The following PCK1 variants were observed in gnomAD, a reference collection of about 807,000 sequenced individuals.
PCK1 encodes phosphoenolpyruvate carboxykinase 1, also known as phosphoenolpyruvate carboxykinase, cytosolic [GTP].
Under a neutral mutation model 50.3 loss-of-function variants are expected in PCK1, and 44 were observed. That is an observed-to-expected ratio of 0.87 (90% CI 0.69 to 1.12). PCK1 has a LOEUF of 1.12. Among genes scored for constraint, PCK1 ranks in the 50% most tolerant of loss-of-function variants. The pLI, the probability that PCK1 is intolerant of heterozygous loss-of-function variation, is 0.00. For missense variants in PCK1, 790 were observed against 815.0 expected (o/e 0.97, Z 0.37); for synonymous variants, 332 against 314.3 (o/e 1.06, Z -0.59).
intron 6 of PCK1, 106 bp from the exon 7 acceptor site, chr20:57,564,063 A>G: frequency 1.3e-6 from 1 of 742,402 alleles, no homozygotes; most frequent in Non-Finnish European, 2.2e-6. Flanking sequence ...AGGGAGGGAA[A>G]AAAGATTTGA....
intron 6 of PCK1, 72 bp from the exon 7 acceptor site, chr20:57,564,097 G>A (rs1423145833): frequency 3.1e-5 from 29 of 938,924 alleles, no homozygotes; most frequent in African/African-American, 5.0e-5. Flanking sequence ...AAATTAGTCC[G>A]GCAATATATA....
In PCK1 at chr20:57,561,588, G is replaced by A; in HGVS notation, c.177G>A (p.Gln59=). ...SEEENGRLLG[Q]MEEEGILRRL... is the part of the protein sequence containing the mutation. Reference sequence around the variant, plus strand: ...AGGAGAATGGGCGGCTTCTGGGCCAGATGGAGGAAGAGGGCATCCTCAGGC... The same window carrying A: ...AGGAGAATGGGCGGCTTCTGGGCCAAATGGAGGAAGAGGGCATCCTCAGGC... The change falls in exon 2 of 10, where the codon CAG becomes CAA. Residue 59 remains glutamine, a synonymous_variant. Transcript: ENST00000319441. The A allele has an allele frequency of 6.2e-7, 1 of 1,613,836 alleles. No individual in the cohort carries two copies. Among genetic ancestry groups the A allele is most frequent in the South Asian group, 1.1e-5 (1 of 91,080 alleles).
intron 2 of PCK1, 193 bp downstream of exon 2, chr20:57,561,828 G>T (rs1203761236): frequency 3.3e-6 from 2 of 607,228 alleles, no homozygotes; most frequent in Non-Finnish European, 5.8e-6. Context: ...TTTAAATGAG[G>T]TGTGTGCACA....
chr20:57,561,241 A>T, intron 1 of PCK1, 38 bp downstream of exon 1: 1 of 556,820 alleles, frequency 1.8e-6, no homozygotes, highest in Non-Finnish European at 3.2e-6. Flanking sequence ...GAAAAATTAC[A>T]AAGATGAACT....
rs1194696584 is a variant in PCK1 at position 57,561,558 on chromosome 20, TGAG to T, written c.154_156del (p.Glu52del). On this transcript the variant is annotated inframe_deletion, in exon 2 of 10. Transcript: ENST00000319441. ...ATCACATCCACATCTGTGACGGCTC[TGAG>T]GAGGAGAATGGGCGGCTTCTGGGCC... 8 of 1,613,918 alleles carry T rather than the reference TGAG, an allele frequency of 5.0e-6. No homozygotes were observed. Among genetic ancestry groups the T allele is most frequent in the Non-Finnish European group, 6.8e-6 (8 of 1,180,008 alleles).
rs368996224 is a variant in PCK1 at position 57,561,372 on chromosome 20, G to A, written c.-40G>A. On this transcript the variant is annotated splice_region_variant and 5_prime_UTR_variant, in exon 2 of 10. In the 5' UTR this introduces an upstream ATG that the reference lacks. Coordinates refer to ENST00000319441, the MANE Select transcript of PCK1 (RefSeq NM_002591.4). Reference sequence around the variant, plus strand: ...AGGACGCTTGCGTTTTCTATTTCAGGTGACCTCACATTCGTGCCCCTTAGC... The same window carrying A: ...AGGACGCTTGCGTTTTCTATTTCAGATGACCTCACATTCGTGCCCCTTAGC... The A allele has an allele frequency of 6.1e-6, 8 of 1,321,398 alleles. No homozygotes were observed. In the African/African-American group the frequency reaches 8.7e-5, roughly 14 times the overall value. The allele number at this position is 1,321,398 out of a possible 1,614,324, so 81.9% of individuals were successfully genotyped here. A position where few individuals can be genotyped will look rare whatever the true frequency, so the allele number is the denominator to read the frequency against.
rs886056794 is a variant in PCK1 at position 57,561,190 on chromosome 20, C to T, written c.-54C>T. 1 of 446,190 alleles carries T rather than the reference C, an allele frequency of 2.2e-6. No homozygotes were observed. Among genetic ancestry groups the T allele is most frequent in the South Asian group, 3.1e-5 (1 of 32,270 alleles). 27.6% of individuals were successfully genotyped at this position (446,190 alleles called of 1,614,324 possible). On this transcript the variant is annotated 5_prime_UTR_variant, in exon 1 of 10. Transcript: ENST00000319441. Reference sequence around the variant, plus strand: ...CTGTGGATCTCCCTTCGAGATCATCCAAAGAGAAGAAAGGTAAGTAGAGCT... The same window carrying T: ...CTGTGGATCTCCCTTCGAGATCATCTAAAGAGAAGAAAGGTAAGTAGAGCT...
chr20:57,561,783 C>A (rs1209076946), intron 2 of PCK1, 148 bp downstream of exon 2: 12 of 632,850 alleles, frequency 1.9e-5, no homozygotes, highest in Admixed American at 5.7e-5. Context: ...ACCATACAGA[C>A]TTGAATTTTG....
intron 6 of PCK1, 146 bp from the exon 7 acceptor site, chr20:57,564,023 C>T (rs1019881508): frequency 3.1e-6 from 2 of 650,120 alleles, no homozygotes; most frequent in Non-Finnish European, 5.4e-6. Flanking sequence ...GCATATGATG[C>T]TTGGATGAAA....
chr20:57,564,629 A>T lies in PCK1; in HGVS notation c.1318+16A>T, dbSNP rs2146530116. ...AGACCTGCTGGTGAGGCTCTCCTTC[A>T]TTTAGGCTGGGAACATGGGTGTGCT... On this transcript the variant is annotated intron_variant, in intron 8 of 9. Transcript: ENST00000319441. 1 of 1,570,410 alleles carries T rather than the reference A, an allele frequency of 6.4e-7. No individual in the cohort carries two copies. Among genetic ancestry groups the T allele is most frequent in the Non-Finnish European group, 8.6e-7 (1 of 1,158,058 alleles).
At position 57,566,451 on chromosome 20, in the gene PCK1, G is replaced by A. The variant is rs2070206378; in HGVS notation, c.*647G>A. On this transcript the variant is annotated 3_prime_UTR_variant, in exon 10 of 10. Coordinates refer to ENST00000319441, the MANE Select transcript of PCK1 (RefSeq NM_002591.4). The stretch of plus-strand genomic sequence containing the variant: ...AAAAATTACAAAATGAAGTTTTATA[G>A]AAAAGATGGATTTGCTTTGCTTGGT... 6.6e-6 allele frequency: 1 copy of A among 152,052 alleles called. No individual in the cohort carries two copies. Among genetic ancestry groups the A allele is most frequent in the South Asian group, 2.1e-4 (1 of 4,824 alleles). 9.4% of individuals were successfully genotyped at this position (152,052 alleles called of 1,614,324 possible).
At chr20:57,565,185 T>A (rs775727384) in intron 9 of PCK1, 50 bp downstream of exon 9, 2 of 1,385,994 alleles carry the variant, frequency 1.4e-6, no homozygotes, top group East Asian at 4.6e-5. Flanking sequence ...ATTAGAGCAC[T>A]CTTCGTCACT....
rs529280488 is a variant in PCK1, at chr20:57,561,846, T to G, written c.224+211T>G. The G allele has an allele frequency of 3.3e-4, 192 of 586,136 alleles. No homozygotes were observed. The African/African-American group carries it at 3.4e-3, about 10-fold the overall frequency. 36.3% of individuals were successfully genotyped at this position (586,136 alleles called of 1,614,324 possible). A position where few individuals can be genotyped will look rare whatever the true frequency, so the allele number is the denominator to read the frequency against. The stretch of plus-strand genomic sequence containing the variant: ...AAATGAGGTGTGTGCACAAAAGCTC[T>G]GCCAACTAGATTCCTGATTAAAAAA... On this transcript the variant is annotated intron_variant, in intron 2 of 9. Coordinates refer to ENST00000319441, the MANE Select transcript of PCK1 (RefSeq NM_002591.4).
Position 57,562,787 on chromosome 20 carries a change from G to C in PCK1, c.498G>C (p.Val166=), listed in dbSNP as rs199564014. 8.7e-6 allele frequency: 14 copies of C among 1,614,030 alleles called. No individual in the cohort carries two copies. In the East Asian group the frequency reaches 1.3e-4, roughly 15 times the overall value. ...TCGAGCTGACGGATTCACCCTACGT[G>C]GTGGCCAGCATGCGGATCATGACGC... ...IGIELTDSPY[V]VASMRIMTRM... Residue 166 remains valine, a synonymous_variant, in exon 4 of 10, where the codon GTG becomes GTC. Transcript: ENST00000319441.
rs1471093504 is a variant in PCK1, at chr20:57,563,621, C to T, written c.855C>T (p.Pro285=). Reference sequence around the variant, plus strand: ...AGAAGTACCTGGCGGCCGCATTTCCCAGCGCCTGCGGGAAGACCAACCTGG... The same window carrying T: ...AGAAGTACCTGGCGGCCGCATTTCCTAGCGCCTGCGGGAAGACCAACCTGG... The part of the protein sequence containing the change: ...GEKKYLAAAF[P]SACGKTNLAM... Residue 285 remains proline (P), a synonymous_variant, in exon 6 of 10, where the codon CCC becomes CCT. Coordinates refer to ENST00000319441, the MANE Select transcript of PCK1 (RefSeq NM_002591.4). 6.2e-7 allele frequency: 1 copy of T among 1,613,020 alleles called. No individual in the cohort carries two copies. Among genetic ancestry groups the T allele is most frequent in the East Asian group, 2.2e-5 (1 of 44,854 alleles).
chr20:57,561,656 C>T (rs112048276), intron 2 of PCK1, 21 bp downstream of exon 2: 20 of 1,535,960 alleles, frequency 1.3e-5, no homozygotes, highest in African/African-American at 8.1e-5. Context: ...CCCCCGCTGC[C>T]TGTCCCAGCA....
At chr20:57,564,896 A>T (rs572082320) in intron 8 of PCK1, 144 bp from the exon 9 acceptor site, 2 of 702,210 alleles carry the variant, frequency 2.8e-6, no homozygotes, top group South Asian at 3.7e-5. Flanking sequence ...GTTTTCTGCA[A>T]TTTAGCTTGG....
At chr20:57,564,002 G>C in intron 6 of PCK1, 167 bp from the exon 7 acceptor site, 2 of 629,232 alleles carry the variant, frequency 3.2e-6, no homozygotes, top group Non-Finnish European at 5.6e-6. Context: ...AGTCGTAAAC[G>C]TATCAAAGTT....
At chr20:57,561,689 CGT>C in intron 2 of PCK1, 54 bp downstream of exon 2, 2 of 1,251,812 alleles carry the variant, frequency 1.6e-6, no homozygotes, top group Non-Finnish European at 1.2e-6. Context: ...GGCTCCCCTG[CGT>C]CTCCTGGGAG....
Sources: gnomAD v4.1 joint callset for allele counts on GRCh38, gnomAD v4.1.1 for gene constraint, MANE v1.5 for transcripts, NCBI Gene and HGNC (gene_info 2026-07-23, HGNC 2026-07-21) for gene names.